The following BEND6 variants were observed in gnomAD, a reference collection of about 807,000 sequenced individuals.
BEND6 encodes the protein BEN domain-containing protein 6.
BEND6 carries 24 observed loss-of-function variants against 31.8 expected under a neutral mutation model. The ratio of observed to expected loss-of-function variants is 0.75; its 90% CI spans 0.55 to 1.06. The LOEUF (loss-of-function observed/expected upper bound fraction) is 1.06, where lower values mean the gene tolerates loss of function less well. BEND6 is among the 50% of genes least tolerant of loss of function. The pLI, the probability that BEND6 is intolerant of heterozygous loss-of-function variation, is 0.00. For synonymous variants in BEND6, 109 were observed against 114.6 expected, an observed-to-expected ratio of 0.95 and a Z score of 0.31; for missense variants, 294 against 327.4, an observed-to-expected ratio of 0.90 and a Z score of 0.79.
At chr6:56,956,188 A>G (rs547079586) in intron 1 of BEND6, among the ~76,000 whole-genome samples, 2 of 152,376 alleles carry the variant, frequency 1.3e-5, no homozygotes, top group South Asian at 4.1e-4. Flanking sequence ...GTGACAAGGT[A>G]ACACTTGACT....
At chr6:57,024,593 T>A (rs1430535915) in intron 6 of BEND6, among the ~76,000 whole-genome samples, 1 of 152,186 alleles carries the variant, frequency 6.6e-6, no homozygotes, top group African/African-American at 2.4e-5. Flanking sequence ...GAATTTGAAT[T>A]CCTTTATATG....
intron 1 of BEND6, among the ~76,000 whole-genome samples, chr6:56,972,154 A>T (rs1361396059): frequency 3.0e-5 from 4 of 133,604 alleles, no homozygotes; most frequent in Non-Finnish European, 6.1e-5. Flanking sequence ...GAATGCAGTG[A>T]CATGATCTCA....
intron 3 of BEND6, among the ~76,000 whole-genome samples, chr6:56,994,743 A>G (rs1826640442): frequency 6.6e-6 from 1 of 152,188 alleles, no homozygotes; most frequent in Admixed American, 6.5e-5. Context: ...TTGACACCTG[A>G]CACATAATCC....
chr6:56,972,062 TTTC>T (rs1825706221), intron 1 of BEND6, among the ~76,000 whole-genome samples: 2 of 151,384 alleles, frequency 1.3e-5, no homozygotes, highest in Admixed American at 1.3e-4. Context: ...TGCCATATGT[TTTC>T]TTTTTACTTT....
chr6:56,968,319 T>C (rs959472173), intron 1 of BEND6, among the ~76,000 whole-genome samples: 1 of 120,426 alleles, frequency 8.3e-6, no homozygotes, highest in Non-Finnish European at 1.8e-5. Context: ...TTTCTTTTTT[T>C]TTTTTTTTTT....
chr6:56,993,166 A>T (rs1826573042), intron 3 of BEND6, among the ~76,000 whole-genome samples: 2 of 152,220 alleles, frequency 1.3e-5, no homozygotes, highest in Admixed American at 6.5e-5. Context: ...ATTAAAAACT[A>T]CTTGGCTTAA....
intron 2 of BEND6, among the ~76,000 whole-genome samples, chr6:56,988,100 T>C (rs1222898878): frequency 1.3e-5 from 2 of 150,444 alleles, no homozygotes; most frequent in African/African-American, 4.9e-5. Context: ...CATTACAACC[T>C]CCGCCTCCTG....
intron 1 of BEND6, among the ~76,000 whole-genome samples, chr6:56,970,084 A>G (rs1592972842): frequency 6.6e-6 from 1 of 152,120 alleles, no homozygotes; most frequent in Admixed American, 6.6e-5. Context: ...GTTTCTTAAA[A>G]TTTTGTTTTA....
intron 4 of BEND6, among the ~76,000 whole-genome samples, chr6:57,016,087 G>T (rs1191171147): frequency 6.6e-6 from 1 of 151,970 alleles, no homozygotes; most frequent in Non-Finnish European, 1.5e-5. Context: ...ATGCATTCAG[G>T]GTTATACAAT....
chr6:56,995,873 A>G (rs1369840898), intron 3 of BEND6, among the ~76,000 whole-genome samples: 2 of 152,148 alleles, frequency 1.3e-5, no homozygotes, highest in Non-Finnish European at 2.9e-5. Context: ...TGCTAACCAC[A>G]ATAGTCATTT....
At chr6:56,995,704 C>A (rs1562549015) in intron 3 of BEND6, among the ~76,000 whole-genome samples, 1 of 152,150 alleles carries the variant, frequency 6.6e-6, no homozygotes, top group South Asian at 2.1e-4. Flanking sequence ...TATAAGAACA[C>A]CAGTCGCATT....
rs187718547 is a variant in BEND6, at chr6:57,006,405, C to T, written c.299-8728C>T. Among the ~76,000 whole-genome samples the T allele has an allele frequency of 5.8e-4, 88 of 152,220 alleles. 1 individual carries two copies. Among genetic ancestry groups the T allele is most frequent in the African/African-American group, 2.0e-3 (84 of 41,528 alleles). On this transcript the variant is annotated intron_variant, in intron 3 of 6. Transcript: ENST00000370746. ...TCTTTAGATGTTTTGAACAATGAGC[C>T]CTGAATTTTTAGTTTGTATTGGACC...
In BEND6 at chr6:57,026,906, G is replaced by A. The variant is rs577543717; in HGVS notation, c.*834G>A. The stretch of plus-strand genomic sequence containing the variant: ...AAGCATCAATATCACCTAACACATC[G>A]TATATAAGATATAACATGATAGATA... On this transcript the variant is annotated 3_prime_UTR_variant, in exon 7 of 7. Coordinates refer to ENST00000370746, the MANE Select transcript of BEND6 (RefSeq NM_152731.3). 9.2e-5 allele frequency: 14 copies of A among 152,096 alleles called. No individual in the cohort carries two copies. In the South Asian group the frequency reaches 1.7e-3, roughly 18 times the overall value. 9.4% of individuals were successfully genotyped at this position (152,096 alleles called of 1,614,324 possible).
chr6:57,015,805 C>T (rs1275498717), intron 4 of BEND6, among the ~76,000 whole-genome samples: 2 of 142,744 alleles, frequency 1.4e-5, no homozygotes, highest in South Asian at 2.3e-4. Context: ...AGCGAGACTC[C>T]GTCTGAAAAA....
Position 57,017,415 on chromosome 6 carries a change from C to T in BEND6, c.712+16C>T, listed in dbSNP as rs774172138. 5.2e-5 allele frequency: 68 copies of T among 1,316,594 alleles called. No individual in the cohort carries two copies. The highest frequency in any genetic ancestry group is 4.7e-4 in the East Asian group (17 of 35,814). 81.6% of individuals were successfully genotyped at this position (1,316,594 alleles called of 1,614,324 possible). ...GAAATCATAGGTGATAATATGATTG[C>T]GTTATATTGTCGTATGAATTTTAAA... is the stretch of plus-strand genomic sequence containing the variant. On this transcript the variant is annotated intron_variant, in intron 5 of 6. Coordinates refer to ENST00000370746, the MANE Select transcript of BEND6 (RefSeq NM_152731.3).
rs911229947 is a variant in BEND6, at chr6:56,981,792, T to G, written c.-19T>G. 1 of 1,610,944 alleles carries G rather than the reference T, an allele frequency of 6.2e-7. No homozygotes were observed. Among genetic ancestry groups the G allele is most frequent in the Non-Finnish European group, 8.5e-7 (1 of 1,178,706 alleles). On this transcript the variant is annotated 5_prime_UTR_variant, in exon 2 of 7. Coordinates refer to ENST00000370746, the MANE Select transcript of BEND6 (RefSeq NM_152731.3). The stretch of plus-strand genomic sequence containing the variant: ...CTACTCCTAGGATTTCAGAAAACCT[T>G]TGATAACTAATTGAGAAAATGCAGA...
At chr6:57,000,454 G>T (rs575361252) in intron 3 of BEND6, among the ~76,000 whole-genome samples, 79 of 151,798 alleles carry the variant, frequency 5.2e-4, no homozygotes, top group Non-Finnish European at 1.0e-3. Context: ...ACTGCGGAAG[G>T]CCTAGGAAAA....
intron 3 of BEND6, chr6:57,008,372 G>A: frequency 4.8e-6 from 3 of 622,740 alleles, no homozygotes; most frequent in Non-Finnish European, 5.7e-6. Context: ...TAGCTTTGAT[G>A]TCTGGGCACT....
chr6:56,981,430 A>G (rs1826063463), intron 1 of BEND6, among the ~76,000 whole-genome samples: 1 of 152,192 alleles, frequency 6.6e-6, no homozygotes, highest in African/African-American at 2.4e-5. Context: ...GACTCCTCAT[A>G]ATATAACTGT....
Sources: allele counts gnomAD v4.1 joint callset (sites outside exome capture counted in the v4.1 genomes callset), GRCh38; gene constraint gnomAD v4.1.1; transcripts MANE v1.5; gene names NCBI Gene and HGNC (gene_info 2026-07-23, HGNC 2026-07-21).